The following LRP12 variants were observed in gnomAD, a reference collection of about 807,000 sequenced individuals.
The protein encoded by LRP12 is low-density lipoprotein receptor-related protein 12.
Under a neutral mutation model 66.0 loss-of-function variants are expected in LRP12, and 14 were observed. The ratio of observed to expected loss-of-function variants is 0.21; its 90% CI spans 0.14 to 0.33. LRP12 has a LOEUF of 0.33. LRP12 is among the 10% of genes least tolerant of loss of function. The probability of loss-of-function intolerance (pLI) is 1.00; values close to 1 mark genes in which losing one functional copy is unlikely to be tolerated. For missense variants in LRP12, 889 were observed against 1,053.4 expected, an observed-to-expected ratio of 0.84 and a Z score of 2.16; for synonymous variants, 357 against 359.1, an observed-to-expected ratio of 0.99 and a Z score of 0.07.
intron 6 of LRP12, among the ~76,000 whole-genome samples, chr8:104,494,701 C>A (rs1163724416): frequency 6.6e-6 from 1 of 152,084 alleles, no homozygotes. Context: ...ATTTTAATTA[C>A]TTTTACTTAT....
chr8:104,533,958 C>G (rs1163937496), intron 1 of LRP12, among the ~76,000 whole-genome samples: 4 of 151,612 alleles, frequency 2.6e-5, no homozygotes, highest in African/African-American at 9.7e-5. Context: ...TCCATTACTT[C>G]TTGCTGTGCA....
At chr8:104,534,602 C>T (rs1811369493) in intron 1 of LRP12, among the ~76,000 whole-genome samples, 2 of 151,854 alleles carry the variant, frequency 1.3e-5, no homozygotes, top group Non-Finnish European at 2.9e-5. Context: ...CTGGTTAACA[C>T]TTTAAAACAG....
intron 2 of LRP12, among the ~76,000 whole-genome samples, chr8:104,529,668 C>A (rs777213858): frequency 1.3e-5 from 2 of 152,158 alleles, no homozygotes; most frequent in Non-Finnish European, 2.9e-5. Flanking sequence ...CTCAGCAAAT[C>A]TGCATTTGCA....
At chr8:104,510,924 A>G (rs566941191) in intron 2 of LRP12, among the ~76,000 whole-genome samples, 19 of 152,174 alleles carry the variant, frequency 1.2e-4, no homozygotes, top group African/African-American at 4.3e-4. Flanking sequence ...CTGGTATAAA[A>G]CACGGCCTGC....
intron 5 of LRP12, 24 bp downstream of exon 5, chr8:104,496,948 C>G: frequency 6.7e-7 from 1 of 1,489,084 alleles, no homozygotes; most frequent in South Asian, 1.5e-5. Flanking sequence ...TATTGAGGCC[C>G]AATAGTTCTG....
intron 1 of LRP12, among the ~76,000 whole-genome samples, chr8:104,580,357 A>AT (rs1403915820): frequency 1.5e-5 from 2 of 133,582 alleles, no homozygotes. Context: ...TCTACTAAAA[A>AT]TAAAAAAAAA....
rs749511393 is a variant in LRP12 at position 104,497,924 on chromosome 8, C to T, written c.628G>A (p.Ala210Thr). The change falls in exon 5 of 7, where the codon GCT becomes ACT. Residue 210 changes from alanine to threonine, a missense_variant. Coordinates refer to ENST00000276654, the MANE Select transcript of LRP12 (RefSeq NM_013437.5). This position sits in a 1 kb window ranked among gnomAD's most constrained non-coding sequence, Gnocchi z 4.3. ...CAKEANPPTAAAFQPCAYNQF... is the reference protein window; with the variant it reads ...CAKEANPPTATAFQPCAYNQF... ...TTGTAAGCACAGGGTTGAAAAGCAG[C>T]AGCAGTTGGAGGATTTGCTTCTTTG... 1.2e-6 allele frequency: 2 copies of T among 1,614,168 alleles called. No individual in the cohort carries two copies. Among genetic ancestry groups the T allele is most frequent in the South Asian group, 2.2e-5 (2 of 91,078 alleles).
intron 3 of LRP12, among the ~76,000 whole-genome samples, chr8:104,499,968 T>G (rs1385113513): frequency 6.6e-6 from 1 of 152,216 alleles, no homozygotes; most frequent in South Asian, 2.1e-4. Flanking sequence ...GCAGCTGACA[T>G]TCTTAGGAGA....
intron 5 of LRP12, chr8:104,495,437 T>A (rs186966363): frequency 4.3e-4 from 176 of 407,812 alleles, no homozygotes; most frequent in Admixed American, 1.5e-3. Flanking sequence ...GAAGCCTAGA[T>A]CACTGAGTTT....
intron 2 of LRP12, among the ~76,000 whole-genome samples, chr8:104,527,944 C>A (rs554976197): frequency 6.6e-6 from 1 of 152,292 alleles, no homozygotes; most frequent in East Asian, 1.9e-4. Flanking sequence ...TACTTCCACC[C>A]TCCTTGGCAC....
In LRP12 at chr8:104,490,958, A is replaced by T; in HGVS notation, c.2295T>A (p.Ser765Arg). 2 of 1,613,926 alleles carry T rather than the reference A, an allele frequency of 1.2e-6. No individual in the cohort carries two copies. Among genetic ancestry groups the T allele is most frequent in the Non-Finnish European group, 8.5e-7 (1 of 1,180,020 alleles). ...CAACATCATCATCATCTTCTCTTCC[A>T]CTTACCCCATTATCAAGTTGTCTCA... ...SPLRQLDNGV[S>R]GREDDDDVEM... Residue 765 changes from serine (S) to arginine (R), a missense_variant, in exon 7 of 7, where the codon AGT becomes AGA. This residue lies in a region of LRP12 where 800 missense variants were observed against 964.5 expected (regional missense o/e 0.83). Coordinates refer to ENST00000276654, the MANE Select transcript of LRP12 (RefSeq NM_013437.5).
chr8:104,528,399 A>C (rs1811276332), intron 2 of LRP12, among the ~76,000 whole-genome samples: 1 of 152,168 alleles, frequency 6.6e-6, no homozygotes, highest in Admixed American at 6.5e-5. Flanking sequence ...AAGGGGCCCT[A>C]CTTTCTACTG....
chr8:104,509,467 T>TCC (rs1810960008), intron 2 of LRP12, among the ~76,000 whole-genome samples: 1 of 152,220 alleles, frequency 6.6e-6, no homozygotes, highest in Non-Finnish European at 1.5e-5. Context: ...ACATGAATCT[T>TCC]CCCTTTGTCC....
chr8:104,566,553 CTT>C (rs888042656), intron 1 of LRP12: 4 of 152,866 alleles, frequency 2.6e-5, no homozygotes, highest in African/African-American at 9.7e-5. Context: ...ATTTAGGAGA[CTT>C]TTAAAAATTA....
At chr8:104,492,612 CT>C (rs1810653930) in intron 6 of LRP12, among the ~76,000 whole-genome samples, 1 of 152,126 alleles carries the variant, frequency 6.6e-6, no homozygotes, top group African/African-American at 2.4e-5. Flanking sequence ...AAGATGTCCT[CT>C]TATGTTCTGT....
intron 2 of LRP12, among the ~76,000 whole-genome samples, chr8:104,511,311 G>C (rs925616398): frequency 1.3e-5 from 2 of 151,686 alleles, no homozygotes; most frequent in African/African-American, 4.8e-5. Context: ...CGAAGTGCTG[G>C]GATTACAGGC....
At chr8:104,574,057 C>T (rs1812122986) in intron 1 of LRP12, among the ~76,000 whole-genome samples, 2 of 152,006 alleles carry the variant, frequency 1.3e-5, no homozygotes, top group African/African-American at 2.4e-5. Context: ...TTCATTTATT[C>T]AACAAGTATT....
chr8:104,509,624 G>A (rs1810963521), intron 2 of LRP12, among the ~76,000 whole-genome samples: 1 of 152,142 alleles, frequency 6.6e-6, no homozygotes, highest in Admixed American at 6.6e-5. Flanking sequence ...CAAAAGTAGT[G>A]ATGCTGGTAA....
At chr8:104,577,672 G>A (rs1434672103) in intron 1 of LRP12, among the ~76,000 whole-genome samples, 3 of 151,920 alleles carry the variant, frequency 2.0e-5, no homozygotes, top group African/African-American at 4.8e-5. Context: ...TTAGCTGGGC[G>A]TGGTGGTGGG....
Sources: gnomAD v4.1 joint callset for allele counts (sites outside exome capture counted in the v4.1 genomes callset) on GRCh38, gnomAD v4.1.1 for gene constraint, gnomAD v4.1.1 regional missense constraint, Gnocchi (gnomAD v3.1) non-coding constraint, MANE v1.5 for transcripts, NCBI Gene and HGNC (gene_info 2026-07-23, HGNC 2026-07-21) for gene names.